The following COPS2 variants were observed in gnomAD, a reference collection of about 807,000 sequenced individuals.
COPS2 encodes the protein COP9 signalosome subunit 2.
COPS2 carries 10 observed loss-of-function variants against 66.1 expected under a neutral mutation model. That is an observed-to-expected ratio of 0.15 (90% confidence interval 0.09 to 0.26). The LOEUF (loss-of-function observed/expected upper bound fraction) is 0.26, where lower values mean the gene tolerates loss of function less well. COPS2 is among the 10% of genes least tolerant of loss of function. The pLI, the probability that COPS2 is intolerant of heterozygous loss-of-function variation, is 1.00. For missense variants in COPS2, 215 were observed against 513.3 expected, an observed-to-expected ratio of 0.42 and a Z score of 5.62; for synonymous variants, 179 against 171.3, an observed-to-expected ratio of 1.04 and a Z score of -0.35.
chr15:49,139,275 G>A (rs1166958518), intron 4 of COPS2: 3 of 346,554 alleles, frequency 8.7e-6, no homozygotes, highest in African/African-American at 6.5e-5. Context: ...TCTAACATAA[G>A]CCTGAAAAGT....
intron 4 of COPS2, among the ~76,000 whole-genome samples, chr15:49,138,433 A>G (rs1212077627): frequency 2.0e-5 from 3 of 152,168 alleles, no homozygotes; most frequent in African/African-American, 7.2e-5. Flanking sequence ...ATATAACCAC[A>G]CACAGAGCAT....
In COPS2 at chr15:49,127,942, G is replaced by A. The variant is rs1181201182; in HGVS notation, c.*8C>T. The A allele has an allele frequency of 6.2e-7, 1 of 1,613,410 alleles. No homozygotes were observed. The highest frequency in any genetic ancestry group is 1.1e-5 in the South Asian group (1 of 90,952). Reference sequence around the variant, plus strand: ...GCCTTAAGGACGTCTGTAAAAGCTTGTTCTCTGTTAAGCCAGTTTACTGAC... The same window carrying A: ...GCCTTAAGGACGTCTGTAAAAGCTTATTCTCTGTTAAGCCAGTTTACTGAC... On this transcript the variant is annotated 3_prime_UTR_variant, in exon 13 of 13. Coordinates refer to ENST00000388901, the MANE Select transcript of COPS2 (RefSeq NM_004236.4).
At chr15:49,130,590 T>C (rs1031616467) in intron 10 of COPS2, 129 bp downstream of exon 10, 1 of 477,498 alleles carries the variant, frequency 2.1e-6, no homozygotes. Flanking sequence ...AATGACAGCA[T>C]TTAGAAACAT....
chr15:49,147,832 G>A (rs1444329535), intron 1 of COPS2, among the ~76,000 whole-genome samples: 1 of 151,270 alleles, frequency 6.6e-6, no homozygotes, highest in Non-Finnish European at 1.5e-5. Context: ...TACGGATTAA[G>A]AAATGGCATG....
intron 1 of COPS2, among the ~76,000 whole-genome samples, chr15:49,153,085 A>T (rs1183809741): frequency 6.6e-6 from 1 of 152,230 alleles, no homozygotes; most frequent in Non-Finnish European, 1.5e-5. Flanking sequence ...AGAGGTAAGC[A>T]GAAACACTTA....
chr15:49,145,031 A>G lies in COPS2; in HGVS notation c.102T>C (p.Asn34=), dbSNP rs1269732999. Residue 34 remains asparagine (N), a synonymous_variant, in exon 2 of 13, where the codon AAT becomes AAC. Coordinates refer to ENST00000388901, the MANE Select transcript of COPS2 (RefSeq NM_004236.4). ...TTAATGCTTTGGAATTATAGTACTG[A>G]TTTTCCAAATCCACATTTGGCTCGG... ...SNSEPNVDLE[N]QYYNSKALKE... 3 of 1,604,728 alleles carry G rather than the reference A, an allele frequency of 1.9e-6. No homozygotes were observed. The highest frequency in any genetic ancestry group is 2.7e-5 in the African/African-American group (2 of 74,302).
At position 49,137,328 on chromosome 15, in the gene COPS2, G is replaced by GT. The variant is rs749223828; in HGVS notation, c.462+19dup. On this transcript the variant is annotated intron_variant, in intron 5 of 12. Transcript: ENST00000388901. ...CCCACCCACTTTTCAAAAGAAAAGT[G>GT]TAAGTATTATAACGGTTACCTTTGT... 46 of 1,570,194 alleles carry GT rather than the reference G, an allele frequency of 2.9e-5. No individual in the cohort carries two copies. Among genetic ancestry groups the GT allele is most frequent in the Admixed American group, 2.6e-4 (15 of 58,174 alleles).
intron 9 of COPS2, among the ~76,000 whole-genome samples, chr15:49,131,238 A>T (rs1331715511): frequency 6.6e-6 from 1 of 152,112 alleles, no homozygotes; most frequent in South Asian, 2.1e-4. Context: ...GAAGGGGTGT[A>T]GCCTCGTCTT....
Position 49,127,932 on chromosome 15 carries a change from G to A in COPS2, c.*18C>T. On this transcript the variant is annotated 3_prime_UTR_variant, in exon 13 of 13. Transcript: ENST00000388901. ...CTGCACTGTTGCCTTAAGGACGTCT[G>A]TAAAAGCTTGTTCTCTGTTAAGCCA... 6.2e-7 allele frequency: 1 copy of A among 1,612,868 alleles called. No homozygotes were observed. Among genetic ancestry groups the A allele is most frequent in the South Asian group, 1.1e-5 (1 of 90,844 alleles).
Position 49,129,509 on chromosome 15 carries a change from A to G in COPS2, c.1096T>C (p.Tyr366His). The G allele has an allele frequency of 6.7e-7, 1 of 1,501,954 alleles. No homozygotes were observed. The highest frequency in any genetic ancestry group is 1.3e-5 in the South Asian group (1 of 76,416). 93.0% of individuals were successfully genotyped at this position (1,501,954 alleles called of 1,614,324 possible). A position where few individuals can be genotyped will look rare whatever the true frequency, so the allele number is the denominator to read the frequency against. Residue 366 changes from tyrosine to histidine, a missense_variant, in exon 11 of 13, where the codon TAC becomes CAC. Tyr to His is a moderately conservative substitution (Grantham distance 83, BLOSUM62 2). Around this residue, in one of 5 missense-constraint regions of COPS2, gnomAD observed 56 missense variants for 173.6 expected, o/e 0.32. Coordinates refer to ENST00000388901, the MANE Select transcript of COPS2 (RefSeq NM_004236.4). ...TQVLIKLIKP[Y>H]TRIHIPFISK... ...ATAAAAGGAATATGTATTCTTGTGT[A>G]AGGCTTAATTAATTTTATAAGCACT...
chr15:49,128,988 G>A (rs1184955688), intron 11 of COPS2, among the ~76,000 whole-genome samples: 2 of 152,120 alleles, frequency 1.3e-5, no homozygotes, highest in African/African-American at 2.4e-5. Flanking sequence ...TATTGTGGTT[G>A]AAGTTAACCC....
Position 49,123,532 on chromosome 15 carries a change from AG to A in COPS2, c.*4417del, listed in dbSNP as rs1262295223. On this transcript the variant is annotated 3_prime_UTR_variant, in exon 13 of 13. Coordinates refer to ENST00000388901, the MANE Select transcript of COPS2 (RefSeq NM_004236.4). ...TGGTGATGAATTTTGTACTCCCACA[AG>A]TATGTTTCACTTATTACATATGTAT... is the stretch of plus-strand genomic sequence containing the variant. 2.6e-5 allele frequency: 4 copies of A among 152,208 alleles called. No homozygotes were observed. The highest frequency in any genetic ancestry group is 5.9e-5 in the Non-Finnish European group (4 of 68,034). The allele number at this position is 152,208 out of a possible 1,614,324, so 9.4% of individuals were successfully genotyped here.
Position 49,126,151 on chromosome 15 carries a change from T to A in COPS2, c.*1799A>T, listed in dbSNP as rs1460451241. 6.6e-6 allele frequency: 1 copy of A among 152,462 alleles called. No individual in the cohort carries two copies. Among genetic ancestry groups the A allele is most frequent in the Non-Finnish European group, 1.5e-5 (1 of 67,920 alleles). The allele number at this position is 152,462 out of a possible 1,614,324, so 9.4% of individuals were successfully genotyped here. The stretch of plus-strand genomic sequence containing the variant: ...AGTTTAGCACACTTTTCACAAATGA[T>A]TTATGTAAAAGAGAAAATACACATA... On this transcript the variant is annotated 3_prime_UTR_variant, in exon 13 of 13. Transcript: ENST00000388901.
chr15:49,129,064 T>C lies in COPS2; in HGVS notation c.1129-304A>G, dbSNP rs1260772944. Among the ~76,000 whole-genome samples, 3 of 152,198 alleles carry C rather than the reference T, an allele frequency of 2.0e-5. No individual in the cohort carries two copies. The East Asian group carries it at 5.8e-4, about 29-fold the overall frequency. On this transcript the variant is annotated intron_variant, in intron 11 of 12. Coordinates refer to ENST00000388901, the MANE Select transcript of COPS2 (RefSeq NM_004236.4). ...TTTTCTCTGAGGGTGAAAGAATCCT[T>C]AAAAAGAAATTTAGTGATTCCTAAT...
chr15:49,128,685 AAT>A lies in COPS2; in HGVS notation c.1187+15_1187+16del. ...CGGTACCAAATATTTTGTGATAAAA[AAT>A]AGTAAAGTACTTACTTATCCAATAT... On this transcript the variant is annotated intron_variant, in intron 12 of 12. Coordinates refer to ENST00000388901, the MANE Select transcript of COPS2 (RefSeq NM_004236.4). 1 of 1,559,840 alleles carries A rather than the reference AAT, an allele frequency of 6.4e-7. No homozygotes were observed. The highest frequency in any genetic ancestry group is 8.8e-7 in the Non-Finnish European group (1 of 1,141,194).
chr15:49,151,125 G>A (rs528111320), intron 1 of COPS2, among the ~76,000 whole-genome samples: 102 of 152,174 alleles, frequency 6.7e-4, no homozygotes, highest in Non-Finnish European at 1.1e-3. Context: ...TATAGGCCAG[G>A]CGTGGTGGCT....
chr15:49,130,584 A>C lies in COPS2; in HGVS notation c.1045+135T>G, dbSNP rs2084200368. The stretch of plus-strand genomic sequence containing the variant: ...ATTTTAAGGAATATCCCATCCAATG[A>C]CAGCATTTAGAAACATATCTATACT... On this transcript the variant is annotated intron_variant, in intron 10 of 12. Coordinates refer to ENST00000388901, the MANE Select transcript of COPS2 (RefSeq NM_004236.4). 3 of 463,032 alleles carry C rather than the reference A, an allele frequency of 6.5e-6. No homozygotes were observed. The East Asian group carries it at 9.2e-5, about 14-fold the overall frequency. 28.7% of individuals were successfully genotyped at this position (463,032 alleles called of 1,614,324 possible).
At chr15:49,149,143 C>A (rs192024716) in intron 1 of COPS2, among the ~76,000 whole-genome samples, 19 of 152,092 alleles carry the variant, frequency 1.2e-4, no homozygotes, top group African/African-American at 4.3e-4. Flanking sequence ...ATAAAAAAAC[C>A]CCCTAAAGTT....
chr15:49,128,234 T>A (rs936009656), intron 12 of COPS2, 140 bp from the exon 13 acceptor site: 2 of 714,544 alleles, frequency 2.8e-6, no homozygotes, highest in Non-Finnish European at 4.5e-6. Context: ...GTGTTAGTTT[T>A]AACTTCACTG....
Sources: allele counts gnomAD v4.1 joint callset (sites outside exome capture counted in the v4.1 genomes callset), GRCh38; gene constraint gnomAD v4.1.1; regional missense constraint gnomAD v4.1.1; transcripts MANE v1.5; gene names NCBI Gene and HGNC (gene_info 2026-07-23, HGNC 2026-07-21).